Variants in PACSIN1 observed in about 807,000 individuals in gnomAD.
The protein encoded by PACSIN1 is protein kinase C and casein kinase substrate in neurons 1.
In PACSIN1, 15 loss-of-function variants were observed where a neutral mutation model predicts 59.5. The ratio of observed to expected loss-of-function variants is 0.25; its 90% confidence interval spans 0.17 to 0.39. The LOEUF is 0.39. PACSIN1 is among the 10% of genes least tolerant of loss of function. PACSIN1 has a pLI of 1.00. For missense variants in PACSIN1, 420 were observed against 580.2 expected (o/e 0.72, Z 2.84); for synonymous variants, 210 against 220.6 (o/e 0.95, Z 0.42).
chr6:34,493,021 G>T (rs1356416274), intron 1 of PACSIN1, among the ~76,000 whole-genome samples: 2 of 152,212 alleles, frequency 1.3e-5, no homozygotes, highest in African/African-American at 4.8e-5. Flanking sequence ...GAGCTAAGAT[G>T]CCCTTTTAAC....
At chr6:34,487,544 G>A (rs1039468574) in intron 1 of PACSIN1, among the ~76,000 whole-genome samples, 1 of 152,198 alleles carries the variant, frequency 6.6e-6, no homozygotes, top group Non-Finnish European at 1.5e-5. Context: ...GATGCAGGAG[G>A]TTGCTCTCGG....
Position 34,531,758 on chromosome 6 carries a change from A to G in PACSIN1, c.1196A>G (p.Gln399Arg). The G allele has an allele frequency of 1.3e-6, 2 of 1,585,012 alleles. No individual in the cohort carries two copies. Among genetic ancestry groups the G allele is most frequent in the Non-Finnish European group, 1.7e-6 (2 of 1,163,216 alleles). Residue 399 changes from glutamine (Q) to arginine (R), a missense_variant, in exon 9 of 10, where the codon CAG (glutamine) becomes CGG (arginine). By Grantham distance (43) the Gln-to-Arg change is conservative (BLOSUM62 1). Transcript: ENST00000244458. The surrounding 1 kb of genome is among the most constrained non-coding windows in gnomAD (Gnocchi z 4.4). ...RVRALYDYDG[Q>R]EQDELSFKAG... Reference sequence around the variant, plus strand: ...CGGGCACTCTACGACTATGACGGCCAGGAGCAGGACGAGCTCAGCTTTAAG... The same window carrying G: ...CGGGCACTCTACGACTATGACGGCCGGGAGCAGGACGAGCTCAGCTTTAAG...
chr6:34,495,238 C>T (rs1169418981), intron 1 of PACSIN1, among the ~76,000 whole-genome samples: 7 of 152,136 alleles, frequency 4.6e-5, no homozygotes, highest in Admixed American at 2.6e-4. Context: ...TTTAGATGTG[C>T]AAAAGGAGCT....
intron 1 of PACSIN1, among the ~76,000 whole-genome samples, chr6:34,482,269 A>G (rs920391381): frequency 1.3e-5 from 2 of 152,030 alleles, no homozygotes; most frequent in African/African-American, 2.4e-5. Flanking sequence ...TGTTTTTAGT[A>G]GAGATGGGGT....
At chr6:34,493,453 A>C (rs918184748) in intron 1 of PACSIN1, among the ~76,000 whole-genome samples, 1 of 152,186 alleles carries the variant, frequency 6.6e-6, no homozygotes, top group Non-Finnish European at 1.5e-5. Flanking sequence ...GGTCTAAGGG[A>C]TATGTGTGCC....
intron 1 of PACSIN1, among the ~76,000 whole-genome samples, chr6:34,492,677 C>T (rs945876819): frequency 1.1e-4 from 16 of 152,358 alleles, no homozygotes; most frequent in East Asian, 1.9e-4. Context: ...CCACTACGCC[C>T]GGCCTGGAGG....
At chr6:34,524,529 C>A (rs75760731) in intron 1 of PACSIN1, among the ~76,000 whole-genome samples, 1,812 of 152,300 alleles carry the variant, frequency 0.012, 20 homozygotes, top group Middle Eastern at 0.027. Flanking sequence ...CATGGGTCTG[C>A]ACCTTGCTCT....
At chr6:34,478,187 G>A (rs1474132156) in intron 1 of PACSIN1, among the ~76,000 whole-genome samples, 6 of 151,246 alleles carry the variant, frequency 4.0e-5, no homozygotes, top group African/African-American at 1.5e-4. Context: ...AGCCTCCTGA[G>A]TAGCTGGGAC....
At chr6:34,522,308 T>C (rs770463202) in intron 1 of PACSIN1, among the ~76,000 whole-genome samples, 1 of 152,216 alleles carries the variant, frequency 6.6e-6, no homozygotes, top group Non-Finnish European at 1.5e-5. Context: ...TCCCCATCTG[T>C]AAATGAAAAT....
chr6:34,515,683 C>T lies in PACSIN1; in HGVS notation c.-63-10560C>T, dbSNP rs189798629. Among the ~76,000 whole-genome samples the T allele has an allele frequency of 1.1e-4, 16 of 152,212 alleles. No homozygotes were observed. Among genetic ancestry groups the T allele is most frequent in the Non-Finnish European group, 1.3e-4 (9 of 68,038 alleles). On this transcript the variant is annotated intron_variant, in intron 1 of 9. Transcript: ENST00000244458. The surrounding 1 kb of genome is among the most constrained non-coding windows in gnomAD (Gnocchi z 4.4). ...GTGAACTGTCCCCAATCCCAGATCTCCCAAAGGACCCCCATGCCCATCCCC... is the reference window on the plus strand; with the variant it reads ...GTGAACTGTCCCCAATCCCAGATCTTCCAAAGGACCCCCATGCCCATCCCC...
chr6:34,517,721 C>T (rs1561967574), intron 1 of PACSIN1, among the ~76,000 whole-genome samples: 1 of 152,188 alleles, frequency 6.6e-6, no homozygotes. Flanking sequence ...AAGCACAACT[C>T]CTCGCCCCCA....
chr6:34,479,504 T>G (rs1243984899), intron 1 of PACSIN1, among the ~76,000 whole-genome samples: 1 of 152,226 alleles, frequency 6.6e-6, no homozygotes, highest in Non-Finnish European at 1.5e-5. Flanking sequence ...TGGCACGATC[T>G]TGGCCCATTT....
chr6:34,510,601 A>G (rs933499252), intron 1 of PACSIN1, among the ~76,000 whole-genome samples: 4 of 152,126 alleles, frequency 2.6e-5, no homozygotes. Context: ...CTTCCTTCAA[A>G]TCATCACATA....
At chr6:34,499,867 G>A (rs536666540) in intron 1 of PACSIN1, among the ~76,000 whole-genome samples, 25 of 152,040 alleles carry the variant, frequency 1.6e-4, no homozygotes, top group Non-Finnish European at 2.1e-4. Flanking sequence ...TAGTTTCTTG[G>A]ATATAACACC....
intron 1 of PACSIN1, among the ~76,000 whole-genome samples, chr6:34,504,280 A>G (rs62398689): frequency 0.066 from 5,537 of 83,700 alleles, 190 homozygotes; most frequent in Non-Finnish European, 0.08. Context: ...GTATATATAT[A>G]TATATATATA....
intron 1 of PACSIN1, among the ~76,000 whole-genome samples, chr6:34,477,034 C>T (rs1485469803): frequency 6.6e-6 from 1 of 152,222 alleles, no homozygotes; most frequent in Admixed American, 6.5e-5. Flanking sequence ...GCCCTCAGGC[C>T]TCTCTGACCA....
At chr6:34,480,230 T>TC (rs1390774851) in intron 1 of PACSIN1, among the ~76,000 whole-genome samples, 1 of 146,304 alleles carries the variant, frequency 6.8e-6, no homozygotes, top group Non-Finnish European at 1.5e-5. Context: ...TTTCTTTCTT[T>TC]TTTTTTTTTT....
At position 34,531,698 on chromosome 6, in the gene PACSIN1, A is replaced by G. The variant is rs907420222; in HGVS notation, c.1136A>G (p.Asn379Ser). 6.2e-7 allele frequency: 1 copy of G among 1,613,064 alleles called. No homozygotes were observed. Among genetic ancestry groups the G allele is most frequent in the Non-Finnish European group, 8.5e-7 (1 of 1,179,744 alleles). Residue 379 changes from asparagine to serine, a missense_variant, in exon 9 of 10, where the codon AAC (asparagine) becomes AGC (serine). By Grantham distance (46) the Asn-to-Ser change is conservative. Coordinates refer to ENST00000244458, the MANE Select transcript of PACSIN1 (RefSeq NM_020804.5). The surrounding 1 kb of genome is among the most constrained non-coding windows in gnomAD (Gnocchi z 4.4). ...FGGSETNGGANPFEDDSKGVR... is the reference protein window; with the variant it reads ...FGGSETNGGASPFEDDSKGVR... Reference sequence around the variant, plus strand: ...GGCAGTGAGACCAACGGGGGCGCCAACCCCTTTGAGGACGACTCCAAGGGA... The same window carrying G: ...GGCAGTGAGACCAACGGGGGCGCCAGCCCCTTTGAGGACGACTCCAAGGGA...
intron 1 of PACSIN1, among the ~76,000 whole-genome samples, chr6:34,477,014 T>C (rs1197381891): frequency 1.3e-5 from 2 of 152,164 alleles, no homozygotes; most frequent in East Asian, 3.9e-4. Context: ...TAGGACCCCC[T>C]CGTTCCCTGG....
Sources: gnomAD v4.1 joint callset for allele counts (sites outside exome capture counted in the v4.1 genomes callset) on GRCh38, gnomAD v4.1.1 for gene constraint, Gnocchi (gnomAD v3.1) non-coding constraint, MANE v1.5 for transcripts, NCBI Gene and HGNC (gene_info 2026-07-23, HGNC 2026-07-21) for gene names.